The following RALGAPA1 variants were observed in gnomAD, a reference collection of about 807,000 sequenced individuals.
RALGAPA1 encodes the protein Ral GTPase activating protein catalytic subunit alpha 1.
In RALGAPA1, 52 loss-of-function variants were observed where a neutral mutation model predicts 269.6. The ratio of observed to expected loss-of-function variants is 0.19; its 90% CI spans 0.15 to 0.24. The LOEUF is 0.24. Among genes scored for constraint, RALGAPA1 ranks in the 10% least tolerant of loss-of-function variants. RALGAPA1 has a pLI of 1.00. For synonymous variants in RALGAPA1, 817 were observed against 1,008.3 expected, an observed-to-expected ratio of 0.81 and a Z score of 3.60; for missense variants, 1,917 against 3,013.9, an observed-to-expected ratio of 0.64 and a Z score of 8.52.
At chr14:35,744,176 A>G (rs1458201182) in intron 10 of RALGAPA1, among the ~76,000 whole-genome samples, 1 of 152,160 alleles carries the variant, frequency 6.6e-6, no homozygotes, top group African/African-American at 2.4e-5. Flanking sequence ...GTTCAAGACC[A>G]GCCTGACCAA....
In RALGAPA1 at chr14:35,733,779, A is replaced by C. The variant is rs1042901452; in HGVS notation, c.1587+4734T>G. Among the ~76,000 whole-genome samples, 49 of 152,110 alleles carry C rather than the reference A, an allele frequency of 3.2e-4. 1 individual carries two copies. Among genetic ancestry groups the C allele is most frequent in the Admixed American group, 1.3e-4 (2 of 15,270 alleles). Reference sequence around the variant, plus strand: ...AATACAAAAGATAAATGAAAGAAAAAGCTAGTTCTTTGAAAAGATAAATAA... The same window carrying C: ...AATACAAAAGATAAATGAAAGAAAACGCTAGTTCTTTGAAAAGATAAATAA... On this transcript the variant is annotated intron_variant, in intron 12 of 41. Transcript: ENST00000680220.
At chr14:35,703,645 T>G (rs2067552630) in intron 16 of RALGAPA1, among the ~76,000 whole-genome samples, 1 of 152,294 alleles carries the variant, frequency 6.6e-6, no homozygotes, top group South Asian at 2.1e-4. Flanking sequence ...TACAATGAAT[T>G]AGCTATTGAG....
At chr14:35,758,200 C>G (rs893351234) in intron 6 of RALGAPA1, among the ~76,000 whole-genome samples, 3 of 138,382 alleles carry the variant, frequency 2.2e-5, no homozygotes, top group African/African-American at 8.2e-5. Flanking sequence ...GCCGAGATCG[C>G]ACCACTGCAC....
At chr14:35,558,183 A>G (rs534669117) in intron 39 of RALGAPA1, among the ~76,000 whole-genome samples, 2 of 152,356 alleles carry the variant, frequency 1.3e-5, no homozygotes, top group South Asian at 4.1e-4. Flanking sequence ...CACGACTGAA[A>G]TAGTTATGAG....
chr14:35,769,088 A>T (rs1234118133), intron 4 of RALGAPA1, among the ~76,000 whole-genome samples: 3 of 142,140 alleles, frequency 2.1e-5, no homozygotes, highest in Non-Finnish European at 3.0e-5. Context: ...AATATCAAAG[A>T]CTAGAATGGA....
chr14:35,672,081 C>T (rs1211210693), intron 25 of RALGAPA1, among the ~76,000 whole-genome samples: 2 of 152,096 alleles, frequency 1.3e-5, no homozygotes, highest in African/African-American at 4.8e-5. Flanking sequence ...TTGTATTATT[C>T]ATTACAACTT....
At position 35,634,728 on chromosome 14, in the gene RALGAPA1, C is replaced by T. The variant is rs145147862; in HGVS notation, c.5841G>A (p.Gln1947=). 1.7e-5 allele frequency: 27 copies of T among 1,611,378 alleles called. No individual in the cohort carries two copies. The highest frequency in any genetic ancestry group is 2.3e-5 in the Non-Finnish European group (27 of 1,178,484). The change falls in exon 33 of 42, where the codon CAG becomes CAA. Residue 1947 remains glutamine (Q), a synonymous_variant. Coordinates refer to ENST00000680220, the MANE Select transcript of RALGAPA1 (RefSeq NM_001346249.2). The part of the protein sequence containing the change: ...KVLHGCVYGA[Q]CFSNPRYFPM... ...GAAAATACCTTGGATTGCTAAAACA[C>T]TGAGCTCCATAAACACACCCATGTA...
chr14:35,720,321 T>A (rs763343800), intron 16 of RALGAPA1, among the ~76,000 whole-genome samples: 30 of 152,320 alleles, frequency 2.0e-4, no homozygotes, highest in Middle Eastern at 3.4e-3. Flanking sequence ...GATTTTACAT[T>A]AACCATGTAT....
intron 41 of RALGAPA1, chr14:35,542,184 G>T: frequency 3.0e-6 from 1 of 333,524 alleles, no homozygotes; most frequent in Non-Finnish European, 5.6e-6. Flanking sequence ...TGTCCAATGT[G>T]GTAGCCACAG....
At chr14:35,701,796 C>G (rs940034354) in intron 16 of RALGAPA1, among the ~76,000 whole-genome samples, 7 of 152,040 alleles carry the variant, frequency 4.6e-5, no homozygotes, top group Non-Finnish European at 8.8e-5. Flanking sequence ...GCATATGTCA[C>G]CATGCTTGGC....
At chr14:35,716,819 C>T (rs2068872959) in intron 16 of RALGAPA1, among the ~76,000 whole-genome samples, 1 of 152,122 alleles carries the variant, frequency 6.6e-6, no homozygotes, top group Non-Finnish European at 1.5e-5. Context: ...CTCTTGGGGT[C>T]ATTTAATTTG....
At position 35,721,981 on chromosome 14, in the gene RALGAPA1, G is replaced by C. The variant is rs2069459498; in HGVS notation, c.2105-132C>G. On this transcript the variant is annotated intron_variant, in intron 15 of 41. Transcript: ENST00000680220. ...ATAAAGTAATAAGACAAAACGCTGT[G>C]TACTGTAAGGCTTTTATGAGCTTCA... 5 of 668,088 alleles carry C rather than the reference G, an allele frequency of 7.5e-6. No homozygotes were observed. The Admixed American group carries it at 1.4e-4, about 19-fold the overall frequency. The allele number at this position is 668,088 out of a possible 1,614,324, so 41.4% of individuals were successfully genotyped here.
intron 36 of RALGAPA1, among the ~76,000 whole-genome samples, chr14:35,597,395 A>C (rs962346178): frequency 6.6e-6 from 1 of 152,150 alleles, no homozygotes; most frequent in Non-Finnish European, 1.5e-5. Flanking sequence ...ACTTTAGTTC[A>C]GAAAGTTACT....
chr14:35,551,826 T>C (rs2055042756), intron 39 of RALGAPA1, among the ~76,000 whole-genome samples: 1 of 152,098 alleles, frequency 6.6e-6, no homozygotes, highest in Admixed American at 6.5e-5. Context: ...ACTCATTTTG[T>C]ATAAAAAATA....
At chr14:35,633,446 A>C (rs2061482439) in intron 33 of RALGAPA1, among the ~76,000 whole-genome samples, 1 of 152,164 alleles carries the variant, frequency 6.6e-6, no homozygotes, top group Non-Finnish European at 1.5e-5. Context: ...TATGTTCTAG[A>C]CAACCTATCT....
At chr14:35,650,334 G>A (rs1436914468) in intron 31 of RALGAPA1, among the ~76,000 whole-genome samples, 3 of 152,050 alleles carry the variant, frequency 2.0e-5, no homozygotes, top group South Asian at 2.1e-4. Context: ...GCAGTGAGCC[G>A]AGACTGTGCC....
chr14:35,784,505 GTTTC>G (rs1388734325), intron 1 of RALGAPA1, among the ~76,000 whole-genome samples: 1 of 151,984 alleles, frequency 6.6e-6, no homozygotes, highest in Middle Eastern at 3.2e-3. Context: ...ATGAGTTTCC[GTTTC>G]TTTTCCTTTT....
chr14:35,600,218 C>CTTTT (rs2059197135), intron 36 of RALGAPA1, among the ~76,000 whole-genome samples: 1 of 103,862 alleles, frequency 9.6e-6, no homozygotes, highest in Non-Finnish European at 1.9e-5. Flanking sequence ...CCTTTTTTTT[C>CTTTT]TTTTTCTTTT....
intron 37 of RALGAPA1, among the ~76,000 whole-genome samples, chr14:35,593,869 A>T (rs1357783177): frequency 6.6e-6 from 1 of 151,724 alleles, no homozygotes; most frequent in Non-Finnish European, 1.5e-5. Context: ...TAAATAAATA[A>T]AATATTATAT....
Sources: allele counts gnomAD v4.1 joint callset (sites outside exome capture counted in the v4.1 genomes callset), GRCh38; gene constraint gnomAD v4.1.1; transcripts MANE v1.5; gene names NCBI Gene and HGNC (gene_info 2026-07-23, HGNC 2026-07-21).